DYDC1: variants seen among roughly 807,000 people sequenced by gnomAD.
DYDC1 encodes DPY30 domain containing 1, also known as DPY30 domain-containing protein 1.
DYDC1 carries 21 observed loss-of-function variants against 27.9 expected under a neutral mutation model. That is an observed-to-expected ratio of 0.75 (90% CI 0.53 to 1.08). The LOEUF (loss-of-function observed/expected upper bound fraction) is 1.08. Among genes scored for constraint, DYDC1 ranks in the 50% least tolerant of loss-of-function variants. DYDC1 has a pLI of 0.00. For synonymous variants in DYDC1, 67 were observed against 65.8 expected, an observed-to-expected ratio of 1.02 and a Z score of -0.09; for missense variants, 202 against 205.9, an observed-to-expected ratio of 0.98 and a Z score of 0.12.
rs1223931654 is a variant in DYDC1 at position 80,342,348 on chromosome 10, A to G, written c.263T>C (p.Leu88Ser). 1.9e-6 allele frequency: 3 copies of G among 1,613,518 alleles called. No individual in the cohort carries two copies. Among genetic ancestry groups the G allele is most frequent in the Non-Finnish European group, 2.5e-6 (3 of 1,179,890 alleles). The change falls in exon 4 of 7, where the codon TTG becomes TCG. Residue 88 changes from leucine (L) to serine (S), a missense_variant. Physicochemically the swap from Leu to Ser is moderately radical, Grantham distance 145. Transcript: ENST00000372202. Reference sequence around the variant, plus strand: ...TTCTTGCATTTCCAACTCTAGCTGCAATGCCAGCTGTTGCTGAATATTCAG... The same window carrying G: ...TTCTTGCATTTCCAACTCTAGCTGCGATGCCAGCTGTTGCTGAATATTCAG... ...ELLLQQQQLA[L>S]QLELEMQEKE...
intron 6 of DYDC1, chr10:80,336,414 C>G: frequency 1.1e-6 from 1 of 919,436 alleles, no homozygotes; most frequent in Non-Finnish European, 1.3e-6. Context: ...GCATTCTCAT[C>G]CTTCTTGTAG....
At position 80,352,561 on chromosome 10, in the gene DYDC1, A is replaced by C; in HGVS notation, c.41T>G (p.Leu14Ter). 6.2e-7 allele frequency: 1 copy of C among 1,613,366 alleles called. No homozygotes were observed. The highest frequency in any genetic ancestry group is 8.5e-7 in the Non-Finnish European group (1 of 1,179,736). Residue 14 changes from leucine to a stop codon, truncating the protein, a stop_gained, in exon 2 of 7, where the codon TTA becomes TGA. Transcript: ENST00000372202. LOFTEE classifies it high-confidence loss of function. ...IYLQKHLGAC[L>*]TQGLAEVARV... ...TGCCACTTCTGCAAGACCTTGAGTT[A>C]AACAGGCCCCAAGGTGCTTTTGAAG...
chr10:80,337,250 T>C (rs1196178080), intron 6 of DYDC1: 1 of 985,334 alleles, frequency 1.0e-6, no homozygotes, highest in Non-Finnish European at 1.2e-6. Flanking sequence ...AGCTTCCCCA[T>C]TGGCCCACGG....
At chr10:80,356,005 A>T (rs1446796586) in intron 1 of DYDC1, among the ~76,000 whole-genome samples, 4 of 148,288 alleles carry the variant, frequency 2.7e-5, no homozygotes, top group African/African-American at 9.8e-5. Flanking sequence ...AAAAAAAAAA[A>T]GGTGCACAGA....
chr10:80,344,420 C>T (rs569748102), intron 3 of DYDC1, among the ~76,000 whole-genome samples: 5 of 152,328 alleles, frequency 3.3e-5, no homozygotes, highest in South Asian at 2.1e-4. Context: ...TTCTGAGTGG[C>T]TTTCCTTGGC....
chr10:80,338,347 A>G, intron 6 of DYDC1, 120 bp downstream of exon 6: 3 of 1,400,664 alleles, frequency 2.1e-6, no homozygotes, highest in Non-Finnish European at 1.9e-6. Context: ...TCTCTGAAGC[A>G]AAAGGCCTAT....
At chr10:80,342,873 C>T (rs761331200) in intron 3 of DYDC1, among the ~76,000 whole-genome samples, 9 of 149,646 alleles carry the variant, frequency 6.0e-5, no homozygotes, top group Non-Finnish European at 5.9e-5. Flanking sequence ...CTCAGCTACT[C>T]GGGAGGCTGA....
chr10:80,343,077 C>T (rs914682761), intron 3 of DYDC1, among the ~76,000 whole-genome samples: 1 of 151,902 alleles, frequency 6.6e-6, no homozygotes, highest in East Asian at 1.9e-4. Context: ...ATATCTGTCA[C>T]ACTAGAATAG....
At chr10:80,355,984 G>C (rs12412782) in intron 1 of DYDC1, among the ~76,000 whole-genome samples, 1 of 117,780 alleles carries the variant, frequency 8.5e-6, no homozygotes, top group Non-Finnish European at 1.7e-5. Context: ...TTGAAGTGAA[G>C]TTAAAAAAAA....
chr10:80,341,819 G>T (rs1842329130), intron 4 of DYDC1, among the ~76,000 whole-genome samples: 2 of 152,168 alleles, frequency 1.3e-5, no homozygotes, highest in African/African-American at 4.8e-5. Flanking sequence ...GAGGTCAGGA[G>T]TTCGAGACCA....
intron 3 of DYDC1, among the ~76,000 whole-genome samples, chr10:80,346,393 A>G (rs948078068): frequency 2.0e-5 from 3 of 146,702 alleles, no homozygotes; most frequent in Non-Finnish European, 4.5e-5. Flanking sequence ...TCAACAGTGT[A>G]GAAGAGTTCA....
At chr10:80,342,181 ATGG>A in intron 4 of DYDC1, 85 bp downstream of exon 4, 1 of 1,307,310 alleles carries the variant, frequency 7.6e-7, no homozygotes, top group Non-Finnish European at 1.1e-6. Context: ...TACAAATCCC[ATGG>A]TCCTTCTGCT....
chr10:80,350,518 C>T (rs1842923115), intron 3 of DYDC1, among the ~76,000 whole-genome samples: 1 of 152,168 alleles, frequency 6.6e-6, no homozygotes, highest in Admixed American at 6.5e-5. Context: ...TTTTAACCTC[C>T]CTTCAAGAAT....
At chr10:80,344,797 TC>T in intron 3 of DYDC1, 1 of 288,122 alleles carries the variant, frequency 3.5e-6, no homozygotes, top group Non-Finnish European at 6.7e-6. Context: ...TTCTGAGACC[TC>T]CCCAGCAATG....
Position 80,356,603 on chromosome 10 carries a change from C to T in DYDC1, c.-10+109G>A, listed in dbSNP as rs944860876. The stretch of plus-strand genomic sequence containing the variant: ...CGGCCTCTCTCCGCCTCAGGTGAGT[C>T]CTGCTCGACGCCCAAGGCCCAACGG... On this transcript the variant is annotated intron_variant, in intron 1 of 6. Coordinates refer to ENST00000372202, the MANE Select transcript of DYDC1 (RefSeq NM_001269053.2). The T allele has an allele frequency of 7.1e-6, 7 of 985,514 alleles. No individual in the cohort carries two copies. The Admixed American group carries it at 1.8e-4, about 26-fold the overall frequency. 61.0% of individuals were successfully genotyped at this position (985,514 alleles called of 1,614,324 possible). A position where few individuals can be genotyped will look rare whatever the true frequency, so the allele number is the denominator to read the frequency against.
intron 4 of DYDC1, among the ~76,000 whole-genome samples, chr10:80,340,672 G>T (rs1417221): frequency 1.3e-5 from 2 of 152,048 alleles, no homozygotes; most frequent in Non-Finnish European, 2.9e-5. Context: ...GTTTAGATCC[G>T]TGAATCTTTT....
chr10:80,338,400 A>G, intron 6 of DYDC1, 67 bp downstream of exon 6: 2 of 1,591,010 alleles, frequency 1.3e-6, no homozygotes, highest in Non-Finnish European at 1.7e-6. Flanking sequence ...CCTAGGCTTT[A>G]CCTAAGTAAA....
At chr10:80,356,365 G>A (rs889319258) in intron 1 of DYDC1, 4 of 985,752 alleles carry the variant, frequency 4.1e-6, no homozygotes, top group Non-Finnish European at 4.8e-6. Flanking sequence ...ACACCTGGGA[G>A]ACAGCTAGCC....
At chr10:80,338,249 G>A (rs1023706288) in intron 6 of DYDC1, 99 of 985,270 alleles carry the variant, frequency 1.0e-4, no homozygotes, top group Non-Finnish European at 1.2e-4. Flanking sequence ...TCACAGATAC[G>A]GAGATATAGA....
Sources: allele counts gnomAD v4.1 joint callset (sites outside exome capture counted in the v4.1 genomes callset), GRCh38; gene constraint gnomAD v4.1.1; transcripts MANE v1.5; gene names NCBI Gene and HGNC (gene_info 2026-07-23, HGNC 2026-07-21).